Variants in MYH13 observed in about 807,000 individuals in gnomAD.
MYH13 encodes the protein myosin-13.
A neutral mutation model predicts 232.1 loss-of-function variants in MYH13; 177 were observed. That is an observed-to-expected ratio of 0.76 (90% confidence interval 0.67 to 0.86). The LOEUF (loss-of-function observed/expected upper bound fraction) is 0.86. Ranked by LOEUF, MYH13 falls within the 40% of genes least tolerant of loss-of-function variation. The probability of loss-of-function intolerance (pLI) is 0.00; values close to 1 mark genes in which losing one functional copy is unlikely to be tolerated. For missense variants in MYH13, 2,246 were observed against 2,405.9 expected (o/e 0.93, Z 1.39); for synonymous variants, 884 against 923.5 (o/e 0.96, Z 0.78).
rs1353663668 is a variant in MYH13, at chr17:10,306,032, T to C, written c.5466+427A>G. On this transcript the variant is annotated intron_variant, in intron 37 of 40. Coordinates refer to ENST00000252172, the MANE Select transcript of MYH13 (RefSeq NM_003802.3). This position sits in a 1 kb window ranked among gnomAD's most constrained non-coding sequence, Gnocchi z 4.3. ...TGCAGATTTTATGTAGGATGGGCTG[T>C]GTTGATCAAAGTGAAGCTTGGTCCA... Among the ~76,000 whole-genome samples the C allele has an allele frequency of 6.6e-6, 1 of 152,164 alleles. No homozygotes were observed. Among genetic ancestry groups the C allele is most frequent in the Non-Finnish European group, 1.5e-5 (1 of 68,028 alleles).
chr17:10,309,877 T>G (rs764616297), intron 33 of MYH13, 47 bp from the exon 34 acceptor site: 36 of 1,459,352 alleles, frequency 2.5e-5, no homozygotes, highest in Non-Finnish European at 3.1e-5. Flanking sequence ...ACATCCACCT[T>G]CATGAATGGG....
Position 10,338,701 on chromosome 17 carries a change from T to TTTTG in MYH13, c.2056+1448_2056+1449insCAAA, listed in dbSNP as rs1555550853. On this transcript the variant is annotated intron_variant, in intron 18 of 40. Coordinates refer to ENST00000252172, the MANE Select transcript of MYH13 (RefSeq NM_003802.3). ...CACTTTTATCCTTGTTTTTTTTTTT[T>TTTTG]TTTTGTTTGTTTTTTTTGAGACGGA... Among the ~76,000 whole-genome samples the TTTTG allele has an allele frequency of 4.7e-5, 6 of 127,878 alleles. No homozygotes were observed. The Middle Eastern group carries it at 0.016, about 341-fold the overall frequency. The allele number at this position is 127,878 out of a possible 152,430, so 83.9% of individuals were successfully genotyped here.
In MYH13 at chr17:10,300,947, A is replaced by G. The variant is rs1906066320; in HGVS notation, c.*4T>C. ...GTCCCATGGCAACGAGCATCAGGTG[A>G]GCCTCATTCTTCCATCTTCTGTGGG... On this transcript the variant is annotated 3_prime_UTR_variant, in exon 41 of 41. Transcript: ENST00000252172. The G allele has an allele frequency of 6.2e-7, 1 of 1,612,842 alleles. No individual in the cohort carries two copies. Among genetic ancestry groups the G allele is most frequent in the Non-Finnish European group, 8.5e-7 (1 of 1,179,266 alleles).
chr17:10,315,470 A>G (rs1255621079), intron 29 of MYH13, among the ~76,000 whole-genome samples: 1 of 151,552 alleles, frequency 6.6e-6, no homozygotes, highest in East Asian at 1.9e-4. Flanking sequence ...TTTTTTTTGT[A>G]TTTTTAGTGG....
chr17:10,362,023 G>T, intron 5 of MYH13, 95 bp downstream of exon 5: 1 of 1,603,576 alleles, frequency 6.2e-7, no homozygotes, highest in South Asian at 1.1e-5. Context: ...AAGATCCTTT[G>T]ATTATTGCAC....
intron 2 of MYH13, among the ~76,000 whole-genome samples, chr17:10,365,174 C>T (rs1258733901): frequency 6.6e-6 from 1 of 152,078 alleles, no homozygotes; most frequent in Non-Finnish European, 1.5e-5. Context: ...CGCCTCCATC[C>T]TAGGAAGCAC....
intron 22 of MYH13, among the ~76,000 whole-genome samples, chr17:10,327,297 G>A (rs1157251891): frequency 1.3e-5 from 2 of 151,304 alleles, no homozygotes; most frequent in African/African-American, 2.4e-5. Context: ...CACCGCGCCC[G>A]GCCGCCTGCT....
At chr17:10,348,689 CT>C (rs368532073) in intron 12 of MYH13, among the ~76,000 whole-genome samples, 8 of 150,248 alleles carry the variant, frequency 5.3e-5, no homozygotes, top group Non-Finnish European at 7.4e-5. Flanking sequence ...GCCTGATACT[CT>C]TTTTTTTTTC....
chr17:10,305,303 A>G (rs1906237708), intron 37 of MYH13, among the ~76,000 whole-genome samples: 1 of 152,236 alleles, frequency 6.6e-6, no homozygotes, highest in Non-Finnish European at 1.5e-5. Context: ...GGAGGGATCC[A>G]TGAGAAGAAC....
chr17:10,314,817 G>C (rs1265173977), intron 29 of MYH13, among the ~76,000 whole-genome samples: 1 of 152,212 alleles, frequency 6.6e-6, no homozygotes, highest in Admixed American at 6.5e-5. Context: ...GGCACAGTAG[G>C]TACAGTGGGG....
At chr17:10,353,243 C>T (rs1274271558) in intron 11 of MYH13, among the ~76,000 whole-genome samples, 1 of 152,232 alleles carries the variant, frequency 6.6e-6, no homozygotes, top group African/African-American at 2.4e-5. Flanking sequence ...ACTCATGAAT[C>T]ATTCTTTGCA....
chr17:10,358,669 G>C (rs948204123), intron 7 of MYH13, among the ~76,000 whole-genome samples: 1 of 152,014 alleles, frequency 6.6e-6, no homozygotes, highest in Admixed American at 6.6e-5. Flanking sequence ...AAGGATGATC[G>C]CTTGAGCCCA....
chr17:10,324,115 C>T lies in MYH13; in HGVS notation c.2841G>A (p.Leu947=). 6.2e-7 allele frequency: 1 copy of T among 1,613,962 alleles called. No individual in the cohort carries two copies. The change falls in exon 23 of 41, where the codon CTG becomes CTA. Residue 947 remains leucine (L), a synonymous_variant. Coordinates refer to ENST00000252172, the MANE Select transcript of MYH13 (RefSeq NM_003802.3). ...TCTTGAGAGAGGAGCATTTATCTTC[C>T]AGATTCCTCTTCTTGGCAACCAATT... is the stretch of plus-strand genomic sequence containing the variant. ...NSELVAKKRN[L]EDKCSSLKRD... is the part of the protein sequence containing the mutation.
At chr17:10,307,138 G>T in intron 35 of MYH13, 74 bp from the exon 36 acceptor site, 1 of 1,564,136 alleles carries the variant, frequency 6.4e-7, no homozygotes, top group Admixed American at 1.9e-5. Flanking sequence ...GGGTTGGCTG[G>T]GGAGGGAAGT....
chr17:10,367,775 T>G (rs2071848625), intron 2 of MYH13, among the ~76,000 whole-genome samples: 1 of 152,242 alleles, frequency 6.6e-6, no homozygotes, highest in South Asian at 2.1e-4. Flanking sequence ...GATTCTCATA[T>G]CTGCTTCTGT....
At chr17:10,351,150 G>A (rs2071707451) in intron 11 of MYH13, among the ~76,000 whole-genome samples, 1 of 146,682 alleles carries the variant, frequency 6.8e-6, no homozygotes. Flanking sequence ...GAACCTGGGA[G>A]GCGGAGGTTG....
chr17:10,346,103 C>T (rs2071664896), intron 13 of MYH13, among the ~76,000 whole-genome samples: 1 of 151,918 alleles, frequency 6.6e-6, no homozygotes, highest in African/African-American at 2.4e-5. Context: ...GGTGTTTGCC[C>T]AGCTCATGTT....
At chr17:10,366,757 CT>C in intron 2 of MYH13, among the ~76,000 whole-genome samples, 1 of 152,220 alleles carries the variant, frequency 6.6e-6, no homozygotes, top group African/African-American at 2.4e-5. Flanking sequence ...TGTTATAGTT[CT>C]CTCCCCCATC....
At chr17:10,319,337 C>T (rs1222620700) in intron 26 of MYH13, among the ~76,000 whole-genome samples, 158 bp from the exon 27 acceptor site, 6 of 151,918 alleles carry the variant, frequency 3.9e-5, no homozygotes, top group East Asian at 1.9e-4. Flanking sequence ...GGTGAAACTC[C>T]GCCTCTACTA....
Sources: gnomAD v4.1 joint callset for allele counts (sites outside exome capture counted in the v4.1 genomes callset) on GRCh38, gnomAD v4.1.1 for gene constraint, Gnocchi (gnomAD v3.1) non-coding constraint, MANE v1.5 for transcripts, NCBI Gene and HGNC (gene_info 2026-07-23, HGNC 2026-07-21) for gene names.